The following FBXO47 variants were observed in gnomAD, a reference collection of about 807,000 sequenced individuals.
FBXO47 encodes the protein F-box protein 47, also known as F-box only protein 47.
Under a neutral mutation model 53.9 loss-of-function variants are expected in FBXO47, and 34 were observed. That is an observed-to-expected ratio of 0.63 (90% CI 0.48 to 0.84). The LOEUF (loss-of-function observed/expected upper bound fraction) is 0.84, where lower values mean the gene tolerates loss of function less well. Among genes scored for constraint, FBXO47 ranks in the 40% least tolerant of loss-of-function variants. The pLI, the probability that FBXO47 is intolerant of heterozygous loss-of-function variation, is 0.00. For synonymous variants in FBXO47, 165 were observed against 181.6 expected, an observed-to-expected ratio of 0.91 and a Z score of 0.73; for missense variants, 485 against 541.3, an observed-to-expected ratio of 0.90 and a Z score of 1.03.
intron 4 of FBXO47, among the ~76,000 whole-genome samples, chr17:38,955,958 CA>C (rs34218216): frequency 0.12 from 3,680 of 30,228 alleles, 25 homozygotes; most frequent in African/African-American, 0.15. Flanking sequence ...ACTCCATCTC[CA>C]AAAAAAAAAA....
intron 8 of FBXO47, 40 bp from the exon 9 acceptor site, chr17:38,942,960 C>T: frequency 2.6e-6 from 4 of 1,531,020 alleles, no homozygotes; most frequent in Middle Eastern, 1.8e-4. Flanking sequence ...TGAGAAATCA[C>T]ACAACAGCTA....
At chr17:38,967,063 C>G (rs780028467) in intron 1 of FBXO47, among the ~76,000 whole-genome samples, 166 bp downstream of exon 1, 29 of 152,088 alleles carry the variant, frequency 1.9e-4, no homozygotes, top group Non-Finnish European at 2.1e-4. Flanking sequence ...CCCCATCTGT[C>G]GGGCAGCTGC....
chr17:38,948,983 C>G (rs1383155685), intron 6 of FBXO47, among the ~76,000 whole-genome samples: 1 of 151,986 alleles, frequency 6.6e-6, no homozygotes, highest in Admixed American at 6.6e-5. Flanking sequence ...TCCCCCAACC[C>G]CCACAGCACT....
chr17:38,946,273 TAAAAATATATATAAATATATA>T (rs1904797939), intron 6 of FBXO47, among the ~76,000 whole-genome samples: 1 of 88,866 alleles, frequency 1.1e-5, no homozygotes, highest in Non-Finnish European at 1.9e-5. Context: ...TAAATATATA[TAAAAATATATATAAATATATA>T]AAAATATATA....
Position 38,962,927 on chromosome 17 carries a change from T to A in FBXO47, c.99A>T (p.Ser33=). The A allele has an allele frequency of 6.2e-7, 1 of 1,613,568 alleles. No individual in the cohort carries two copies. Among genetic ancestry groups the A allele is most frequent in the Non-Finnish European group, 8.5e-7 (1 of 1,179,560 alleles). Residue 33 remains serine, a synonymous_variant, in exon 2 of 11, where the codon TCA becomes TCT. Transcript: ENST00000378079. ...QTSCYSKTLG[S]GFQPISTFGN... is the part of the protein sequence containing the mutation. ...CAAATGTTGATATGGGTTGAAAGCC[T>A]GAGCCAAGGGTCTTGGAATAACAGC...
intron 5 of FBXO47, among the ~76,000 whole-genome samples, chr17:38,952,986 A>G (rs1905372891): frequency 6.6e-6 from 1 of 151,556 alleles, no homozygotes. Flanking sequence ...CAAACAAAAC[A>G]CTTTCATTGG....
intron 7 of FBXO47, 58 bp from the exon 8 acceptor site, chr17:38,943,794 G>A (rs1041883874): frequency 1.4e-6 from 2 of 1,465,930 alleles, no homozygotes; most frequent in African/African-American, 2.9e-5. Context: ...ATAAAGACTT[G>A]TTTAAAAAGG....
At chr17:38,949,566 T>C (rs957462795) in intron 6 of FBXO47, among the ~76,000 whole-genome samples, 3 of 152,196 alleles carry the variant, frequency 2.0e-5, no homozygotes, top group Non-Finnish European at 4.4e-5. Context: ...CATATAACTC[T>C]ATGTTTAATC....
At chr17:38,950,422 C>T (rs552038066) in intron 6 of FBXO47, among the ~76,000 whole-genome samples, 6 of 150,224 alleles carry the variant, frequency 4.0e-5, no homozygotes, top group Admixed American at 6.7e-5. Context: ...CCTCCTCTGT[C>T]ACCCAGGCTG....
chr17:38,941,245 C>T (rs1904492873), intron 9 of FBXO47, among the ~76,000 whole-genome samples: 1 of 151,830 alleles, frequency 6.6e-6, no homozygotes, highest in African/African-American at 2.4e-5. Flanking sequence ...GATCTGCTCA[C>T]TGCAACCTCC....
chr17:38,951,771 C>T (rs1598144655), intron 5 of FBXO47, 82 bp from the exon 6 acceptor site: 1 of 1,041,894 alleles, frequency 9.6e-7, no homozygotes, highest in East Asian at 2.5e-5. Flanking sequence ...TGGCTCACGC[C>T]TGTAATCCCA....
chr17:38,938,770 G>A (rs1904365419), intron 9 of FBXO47, 38 bp from the exon 10 acceptor site: 2 of 1,472,592 alleles, frequency 1.4e-6, no homozygotes, highest in Non-Finnish European at 1.8e-6. Context: ...ACCTTCATGT[G>A]AAGAAAGCTA....
intron 6 of FBXO47, 42 bp downstream of exon 6, chr17:38,951,539 A>C: frequency 7.2e-7 from 1 of 1,394,778 alleles, no homozygotes; most frequent in Non-Finnish European, 9.9e-7. Flanking sequence ...TATTTTTTCT[A>C]TTTTAATCTC....
chr17:38,945,417 G>A (rs1364693358), intron 6 of FBXO47, among the ~76,000 whole-genome samples: 1 of 151,864 alleles, frequency 6.6e-6, no homozygotes, highest in Non-Finnish European at 1.5e-5. Context: ...GTACAATTTT[G>A]GATTTAAAAA....
intron 1 of FBXO47, among the ~76,000 whole-genome samples, chr17:38,964,303 T>C (rs970797840): frequency 3.3e-5 from 5 of 151,740 alleles, no homozygotes; most frequent in African/African-American, 9.7e-5. Flanking sequence ...CTACTAAAAA[T>C]ACAAAAATTA....
At chr17:38,944,924 C>A in intron 7 of FBXO47, 36 bp downstream of exon 7, 2 of 1,536,934 alleles carry the variant, frequency 1.3e-6, no homozygotes, top group Non-Finnish European at 1.8e-6. Flanking sequence ...AAATAATGAA[C>A]CAGTTATGTT....
At chr17:38,955,209 A>G (rs538251752) in intron 4 of FBXO47, among the ~76,000 whole-genome samples, 2 of 151,906 alleles carry the variant, frequency 1.3e-5, no homozygotes, top group Non-Finnish European at 2.9e-5. Flanking sequence ...AACATGGTGA[A>G]GCTCCGTCTC....
chr17:38,951,619 A>G lies in FBXO47; in HGVS notation c.578T>C (p.Leu193Pro). ...GACAGCCATTTGTATCTTGCGGCAG[A>G]GATTAGTCAGTTCGCATAAGAAATT... The part of the protein sequence containing the change: ...VYNFLCELTN[L>P]CRKIQMAVCS... The change falls in exon 6 of 11, where the codon CTC becomes CCC. Residue 193 changes from leucine to proline, a missense_variant. Coordinates refer to ENST00000378079, the MANE Select transcript of FBXO47 (RefSeq NM_001008777.3). The G allele has an allele frequency of 1.2e-6, 2 of 1,614,056 alleles. No individual in the cohort carries two copies. Among genetic ancestry groups the G allele is most frequent in the East Asian group, 4.5e-5 (2 of 44,884 alleles).
chr17:38,937,583 C>G (rs746101522), intron 10 of FBXO47, among the ~76,000 whole-genome samples: 19 of 152,152 alleles, frequency 1.2e-4, no homozygotes, highest in Non-Finnish European at 2.5e-4. Flanking sequence ...TTTCAAACTC[C>G]TGACCTCAGG....
Sources: allele counts gnomAD v4.1 joint callset (sites outside exome capture counted in the v4.1 genomes callset), GRCh38; gene constraint gnomAD v4.1.1; transcripts MANE v1.5; gene names NCBI Gene and HGNC (gene_info 2026-07-23, HGNC 2026-07-21).